The following PPP5C variants were observed in gnomAD, a reference collection of about 807,000 sequenced individuals.
PPP5C encodes serine/threonine-protein phosphatase 5.
Under a neutral mutation model 66.7 loss-of-function variants are expected in PPP5C, and 21 were observed. The observed-to-expected ratio is 0.31, with a 90% CI of 0.22 to 0.45. PPP5C has a LOEUF of 0.45. PPP5C is among the 20% of genes least tolerant of loss of function. The pLI, the probability that PPP5C is intolerant of heterozygous loss-of-function variation, is 1.00. For missense variants in PPP5C, 464 were observed against 675.9 expected (o/e 0.69, Z 3.48); for synonymous variants, 246 against 257.4 (o/e 0.96, Z 0.43).
At chr19:46,361,638 G>A (rs1568567400) in intron 2 of PPP5C, among the ~76,000 whole-genome samples, 1 of 147,250 alleles carries the variant, frequency 6.8e-6, no homozygotes, top group Non-Finnish European at 1.5e-5. Flanking sequence ...GGTGGCATGT[G>A]CCTGTAGTCC....
chr19:46,381,368 A>G (rs575940357), intron 4 of PPP5C: 14 of 152,178 alleles, frequency 9.2e-5, no homozygotes, highest in African/African-American at 2.7e-4. Flanking sequence ...CCAGTTCTTC[A>G]TGTGTTTTAC....
chr19:46,359,263 C>A (rs760786096), intron 2 of PPP5C, among the ~76,000 whole-genome samples: 4 of 151,972 alleles, frequency 2.6e-5, no homozygotes, highest in Admixed American at 1.3e-4. Flanking sequence ...TATACAGCTG[C>A]GTCTCTGTGT....
intron 7 of PPP5C, 38 bp from the exon 8 acceptor site, chr19:46,387,055 G>A (rs371154780): frequency 8.7e-6 from 14 of 1,614,018 alleles, no homozygotes; most frequent in South Asian, 1.1e-5. Context: ...TGATGTACCT[G>A]GAGGCTGAGC....
chr19:46,368,931 T>C (rs1972536430), intron 2 of PPP5C, among the ~76,000 whole-genome samples: 1 of 152,226 alleles, frequency 6.6e-6, no homozygotes, highest in Non-Finnish European at 1.5e-5. Flanking sequence ...TTCATGGGGA[T>C]CTTGATCACC....
rs370810487 is a variant in PPP5C, at chr19:46,353,473, G to T, written c.122-275G>T. 2.2e-3 allele frequency among the ~76,000 whole-genome samples: 336 copies of T among 149,498 alleles called. 1 individual carries two copies. The highest frequency in any genetic ancestry group is 0.01 in the Middle Eastern group (3 of 290). Reference sequence around the variant, plus strand: ...TCTGCACCTGCTCTTCTTGCTATCGGAGTGCTCTTCCCTCAGTCTGCTGCT... The same window carrying T: ...TCTGCACCTGCTCTTCTTGCTATCGTAGTGCTCTTCCCTCAGTCTGCTGCT... On this transcript the variant is annotated intron_variant, in intron 1 of 12. Coordinates refer to ENST00000012443, the MANE Select transcript of PPP5C (RefSeq NM_006247.4).
At chr19:46,382,840 A>G in intron 4 of PPP5C, 2 of 1,040,588 alleles carry the variant, frequency 1.9e-6, no homozygotes, top group South Asian at 6.9e-5. Context: ...ATTGACAAAT[A>G]TGCATGTCAT....
At chr19:46,372,705 G>A (rs1022944982) in intron 2 of PPP5C, among the ~76,000 whole-genome samples, 2 of 152,212 alleles carry the variant, frequency 1.3e-5, no homozygotes, top group Admixed American at 1.3e-4. Context: ...GGATTCACCT[G>A]CAGTTGTAAG....
Position 46,376,610 on chromosome 19 carries a change from C to T in PPP5C, c.633+36C>T. 1.2e-6 allele frequency: 2 copies of T among 1,606,278 alleles called. No homozygotes were observed. The highest frequency in any genetic ancestry group is 1.1e-5 in the South Asian group (1 of 90,186). ...TGTCAGGTACTGGGCACCCGGGAAC[C>T]CTGGGATGGCATCACAGCACTGCCA... On this transcript the variant is annotated intron_variant, in intron 4 of 12. Transcript: ENST00000012443. The surrounding 1 kb of genome is among the most constrained non-coding windows in gnomAD (Gnocchi z 5.1).
At chr19:46,367,584 G>A (rs1168298916) in intron 2 of PPP5C, among the ~76,000 whole-genome samples, 1 of 152,146 alleles carries the variant, frequency 6.6e-6, no homozygotes, top group Non-Finnish European at 1.5e-5. Context: ...ACACTGGAGG[G>A]TCCAGAGAAC....
At chr19:46,352,696 T>C (rs1469586006) in intron 1 of PPP5C, among the ~76,000 whole-genome samples, 4 of 151,880 alleles carry the variant, frequency 2.6e-5, no homozygotes, top group Non-Finnish European at 5.9e-5. Context: ...GGCGGGCGCC[T>C]ATAGTCCCAG....
intron 2 of PPP5C, 24 bp downstream of exon 2, chr19:46,354,013 C>T (rs751599582): frequency 6.2e-7 from 1 of 1,607,962 alleles, no homozygotes; most frequent in South Asian, 1.1e-5. Context: ...TGGGCCAGGC[C>T]TGGCACCTGA....
chr19:46,383,530 G>T lies in PPP5C; in HGVS notation c.699+54G>T. On this transcript the variant is annotated intron_variant, in intron 5 of 12. Coordinates refer to ENST00000012443, the MANE Select transcript of PPP5C (RefSeq NM_006247.4). This position sits in a 1 kb window ranked among gnomAD's most constrained non-coding sequence, Gnocchi z 5.0. ...GCCAGCGGGGGTGGGCTCTCTGGCT[G>T]GGGAGGGGCCACAGAGCTCAGGAAC... The T allele has an allele frequency of 6.7e-7, 1 of 1,500,942 alleles. No individual in the cohort carries two copies. The highest frequency in any genetic ancestry group is 9.1e-7 in the Non-Finnish European group (1 of 1,102,736). 93.0% of individuals were successfully genotyped at this position (1,500,942 alleles called of 1,614,324 possible). A position where few individuals can be genotyped will look rare whatever the true frequency, so the allele number is the denominator to read the frequency against.
chr19:46,354,299 C>G lies in PPP5C; in HGVS notation c.363+310C>G, dbSNP rs117640925. Among the ~76,000 whole-genome samples the G allele has an allele frequency of 6.2e-3, 950 of 152,148 alleles. 4 individuals carry two copies. The highest frequency in any genetic ancestry group is 9.7e-3 in the Non-Finnish European group (658 of 68,044). ...GAAAAGTGAGCTTTTGCCTTTCACA[C>G]GAGTAGACCAGTACTTGGCCCGGGG... is the stretch of plus-strand genomic sequence containing the variant. On this transcript the variant is annotated intron_variant, in intron 2 of 12. Coordinates refer to ENST00000012443, the MANE Select transcript of PPP5C (RefSeq NM_006247.4).
intron 2 of PPP5C, among the ~76,000 whole-genome samples, chr19:46,371,954 T>A (rs1221829066): frequency 1.3e-5 from 2 of 152,154 alleles, no homozygotes; most frequent in Non-Finnish European, 2.9e-5. Flanking sequence ...CACCCTTAGT[T>A]TTAAAACCCA....
intron 11 of PPP5C, among the ~76,000 whole-genome samples, chr19:46,389,362 A>AAC (rs57181889): frequency 9.2e-5 from 9 of 98,054 alleles, no homozygotes; most frequent in Non-Finnish European, 1.4e-4. Context: ...TCCATCTCAA[A>AAC]ACACACACAC....
chr19:46,353,207 G>T (rs2147361428), intron 1 of PPP5C, among the ~76,000 whole-genome samples: 1 of 152,330 alleles, frequency 6.6e-6, no homozygotes, highest in South Asian at 2.1e-4. Context: ...AGGTCACGAG[G>T]TAAAGTGCAG....
chr19:46,353,002 C>T lies in PPP5C; in HGVS notation c.122-746C>T, dbSNP rs185095538. Among the ~76,000 whole-genome samples, 230 of 152,262 alleles carry T rather than the reference C, an allele frequency of 1.5e-3. 1 individual carries two copies. The highest frequency in any genetic ancestry group is 4.5e-3 in the African/African-American group (187 of 41,558). ...AGCCCTGCATGGCTCTGGTACATCA[C>T]GGCCCCCAGTGGGGACAAGCCTCTA... On this transcript the variant is annotated intron_variant, in intron 1 of 12. Coordinates refer to ENST00000012443, the MANE Select transcript of PPP5C (RefSeq NM_006247.4).
Position 46,390,456 on chromosome 19 carries a change from T to G in PPP5C, c.*110T>G, listed in dbSNP as rs1972998970. On this transcript the variant is annotated 3_prime_UTR_variant, in exon 13 of 13. Coordinates refer to ENST00000012443, the MANE Select transcript of PPP5C (RefSeq NM_006247.4). Reference sequence around the variant, plus strand: ...CCCCAGGGCAATGTTGGACCCCCTTTTACTTTGTAAAGTTTGTATTTATTC... The same window carrying G: ...CCCCAGGGCAATGTTGGACCCCCTTGTACTTTGTAAAGTTTGTATTTATTC... The G allele has an allele frequency of 1.0e-5, 16 of 1,527,172 alleles. No individual in the cohort carries two copies. The highest frequency in any genetic ancestry group is 1.4e-5 in the Non-Finnish European group (16 of 1,135,946). The allele number at this position is 1,527,172 out of a possible 1,614,324, so 94.6% of individuals were successfully genotyped here. A position where few individuals can be genotyped will look rare whatever the true frequency, so the allele number is the denominator to read the frequency against.
At position 46,388,579 on chromosome 19, in the gene PPP5C, C is replaced by T. The variant is rs576123813; in HGVS notation, c.1203C>T (p.Gly401=). 2.4e-5 allele frequency: 39 copies of T among 1,613,960 alleles called. No homozygotes were observed. The highest frequency in any genetic ancestry group is 3.2e-5 in the Non-Finnish European group (38 of 1,180,000). ...PQNGRSISKR[G]VSCQFGPDVT... Reference sequence around the variant, plus strand: ...ACGGGCGCTCGATCAGCAAGCGGGGCGTGAGCTGTCAGTTTGGGCCTGACG... The same window carrying T: ...ACGGGCGCTCGATCAGCAAGCGGGGTGTGAGCTGTCAGTTTGGGCCTGACG... Residue 401 remains glycine (G), a synonymous_variant, in exon 11 of 13, where the codon GGC becomes GGT. Coordinates refer to ENST00000012443, the MANE Select transcript of PPP5C (RefSeq NM_006247.4). The surrounding 1 kb of genome is among the most constrained non-coding windows in gnomAD (Gnocchi z 4.9).
Sources: allele counts gnomAD v4.1 joint callset (sites outside exome capture counted in the v4.1 genomes callset), GRCh38; gene constraint gnomAD v4.1.1; non-coding constraint Gnocchi (gnomAD v3.1); transcripts MANE v1.5; gene names NCBI Gene and HGNC (gene_info 2026-07-23, HGNC 2026-07-21).